The following SLIT3 variants were observed in gnomAD, a reference collection of about 807,000 sequenced individuals.
SLIT3 encodes the protein slit homolog 3 protein.
In SLIT3, 68 loss-of-function variants were observed where a neutral mutation model predicts 184.0. The observed-to-expected ratio is 0.37, with a 90% CI of 0.30 to 0.45. SLIT3 has a LOEUF of 0.45. Ranked by LOEUF, SLIT3 falls within the 20% of genes least tolerant of loss-of-function variation. The probability of loss-of-function intolerance (pLI) is 1.00; values close to 1 mark genes in which losing one functional copy is unlikely to be tolerated. For synonymous variants in SLIT3, 831 were observed against 828.6 expected (o/e 1.00, Z -0.05); for missense variants, 1,707 against 2,026.0 (o/e 0.84, Z 3.02).
intron 15 of SLIT3, 54 bp from the exon 16 acceptor site, chr5:168,760,990 C>T (rs1755127426): frequency 1.5e-6 from 2 of 1,330,288 alleles, no homozygotes; most frequent in Non-Finnish European, 2.2e-6. Context: ...GCCCCTCCTT[C>T]CACCCCCCAT....
At chr5:168,756,720 C>T (rs1437112970) in intron 16 of SLIT3, among the ~76,000 whole-genome samples, 2 of 152,146 alleles carry the variant, frequency 1.3e-5, no homozygotes, top group African/African-American at 2.4e-5. Context: ...GATAAAGGCT[C>T]TCCAGCAGCT....
chr5:169,077,871 TA>T (rs1489658360), intron 4 of SLIT3, among the ~76,000 whole-genome samples: 1 of 151,626 alleles, frequency 6.6e-6, no homozygotes, highest in Non-Finnish European at 1.5e-5. Context: ...AGTGTCATTG[TA>T]AAAAAATATT....
rs571221207 is a variant in SLIT3, at chr5:169,017,550, G to A, written c.414-134214C>T. 1.9e-3 allele frequency among the ~76,000 whole-genome samples: 287 copies of A among 152,298 alleles called. 2 individuals carry two copies. Among genetic ancestry groups the A allele is most frequent in the Non-Finnish European group, 2.8e-3 (192 of 68,026 alleles). ...ATTCATAACACTTAGGCAAGGCCTCGCTGGCAGCAGGGCTGAAAGGAGCAG... is the reference window on the plus strand; with the variant it reads ...ATTCATAACACTTAGGCAAGGCCTCACTGGCAGCAGGGCTGAAAGGAGCAG... On this transcript the variant is annotated intron_variant, in intron 4 of 35. Transcript: ENST00000519560.
At chr5:169,152,834 A>G (rs1762163782) in intron 4 of SLIT3, among the ~76,000 whole-genome samples, 3 of 152,024 alleles carry the variant, frequency 2.0e-5, no homozygotes, top group Admixed American at 2.0e-4. Flanking sequence ...AATGACACCT[A>G]CCCCGGTATG....
chr5:169,198,572 T>C (rs1213618835), intron 3 of SLIT3, among the ~76,000 whole-genome samples: 1 of 152,188 alleles, frequency 6.6e-6, no homozygotes, highest in Non-Finnish European at 1.5e-5. Context: ...GTTTGGCTTT[T>C]TACAGATAGT....
In SLIT3 at chr5:169,233,404, C is replaced by CTT. The variant is rs70979127; in HGVS notation, c.341+11299_341+11300dup. On this transcript the variant is annotated intron_variant, in intron 3 of 35. Transcript: ENST00000519560. Reference sequence around the variant, plus strand: ...TTTGTTGTTGGTATATAGAAATTGTCTTTTTTTTTTTTTTTGGTGTATTGA... The same window carrying CTT: ...TTTGTTGTTGGTATATAGAAATTGTCTTTTTTTTTTTTTTTTTGGTGTATTGA... Among the ~76,000 whole-genome samples, 616 of 145,416 alleles carry CTT rather than the reference C, an allele frequency of 4.2e-3. 9 individuals are homozygous for CTT. Among genetic ancestry groups the CTT allele is most frequent in the East Asian group, 0.035 (171 of 4,838 alleles).
In SLIT3 at chr5:168,666,304, G is replaced by T. The variant is rs1041126694; in HGVS notation, c.*150C>A. On this transcript the variant is annotated 3_prime_UTR_variant, in exon 36 of 36. Coordinates refer to ENST00000519560, the MANE Select transcript of SLIT3 (RefSeq NM_003062.4). Reference sequence around the variant, plus strand: ...ATAATAAAAATAAGTTCTATTTTTTGTTTATTTTACAATATACTTAATATT... The same window carrying T: ...ATAATAAAAATAAGTTCTATTTTTTTTTTATTTTACAATATACTTAATATT... The T allele has an allele frequency of 3.0e-6, 2 of 672,200 alleles. No homozygotes were observed. Among genetic ancestry groups the T allele is most frequent in the Non-Finnish European group, 4.4e-6 (2 of 450,522 alleles). The allele number at this position is 672,200 out of a possible 1,614,324, so 41.6% of individuals were successfully genotyped here.
chr5:169,249,953 G>A (rs1467337233), intron 2 of SLIT3, among the ~76,000 whole-genome samples: 1 of 152,224 alleles, frequency 6.6e-6, no homozygotes, highest in Non-Finnish European at 1.5e-5. Flanking sequence ...CCACACATGT[G>A]TACATAACAG....
At chr5:168,999,108 G>C (rs1345239554) in intron 4 of SLIT3, among the ~76,000 whole-genome samples, 2 of 152,072 alleles carry the variant, frequency 1.3e-5, no homozygotes, top group Admixed American at 1.3e-4. Context: ...TAGAGACAGA[G>C]TCTCACTACA....
intron 4 of SLIT3, among the ~76,000 whole-genome samples, chr5:168,933,331 CAGG>C (rs1352241959): frequency 6.6e-6 from 1 of 152,028 alleles, no homozygotes; most frequent in Non-Finnish European, 1.5e-5. Flanking sequence ...ATCATGAGCT[CAGG>C]AGATCGAGAC....
At chr5:168,945,949 G>A (rs956224194) in intron 4 of SLIT3, among the ~76,000 whole-genome samples, 1 of 152,228 alleles carries the variant, frequency 6.6e-6, no homozygotes, top group African/African-American at 2.4e-5. Flanking sequence ...CTATGAACTT[G>A]GAAAGTTTCT....
At chr5:168,814,180 G>C (rs1345165774) in intron 8 of SLIT3, among the ~76,000 whole-genome samples, 1 of 151,960 alleles carries the variant, frequency 6.6e-6, no homozygotes, top group Non-Finnish European at 1.5e-5. Context: ...TGGATCACCT[G>C]AGGTCAGGGG....
rs1760914060 is a variant in SLIT3, at chr5:168,662,811, A to G, written c.*3643T>C. The G allele has an allele frequency of 6.6e-6, 1 of 152,088 alleles. No individual in the cohort carries two copies. Among genetic ancestry groups the G allele is most frequent in the African/African-American group, 2.4e-5 (1 of 41,394 alleles). The allele number at this position is 152,088 out of a possible 1,614,324, so 9.4% of individuals were successfully genotyped here. A position where few individuals can be genotyped will look rare whatever the true frequency, so the allele number is the denominator to read the frequency against. ...TGCCCACGTACATTGCCACACAAAC[A>G]CTGAACCACACTTTTTCAGGAGCAA... On this transcript the variant is annotated 3_prime_UTR_variant, in exon 36 of 36. Coordinates refer to ENST00000519560, the MANE Select transcript of SLIT3 (RefSeq NM_003062.4).
chr5:169,186,690 G>C (rs1231612288), intron 4 of SLIT3, among the ~76,000 whole-genome samples: 2 of 152,140 alleles, frequency 1.3e-5, no homozygotes, highest in African/African-American at 4.8e-5. Context: ...CAATTTGTGT[G>C]GGCTTGGAGC....
At chr5:169,115,645 T>G (rs974994928) in intron 4 of SLIT3, among the ~76,000 whole-genome samples, 4 of 152,152 alleles carry the variant, frequency 2.6e-5, no homozygotes, top group Non-Finnish European at 4.4e-5. Flanking sequence ...CACATTGATT[T>G]AATGATGATG....
intron 4 of SLIT3, among the ~76,000 whole-genome samples, chr5:169,084,597 C>T (rs529049010): frequency 3.9e-5 from 6 of 152,176 alleles, no homozygotes; most frequent in African/African-American, 7.2e-5. Context: ...CGTGTGCCAC[C>T]GTGCCCAGCC....
intron 3 of SLIT3, among the ~76,000 whole-genome samples, chr5:169,241,026 T>C (rs1365536490): frequency 6.6e-6 from 1 of 152,140 alleles, no homozygotes; most frequent in Non-Finnish European, 1.5e-5. Flanking sequence ...TGGTACTGTT[T>C]CTATTCTATT....
chr5:169,148,696 A>C (rs530487132), intron 4 of SLIT3, among the ~76,000 whole-genome samples: 2 of 152,308 alleles, frequency 1.3e-5, no homozygotes, highest in African/African-American at 4.8e-5. Context: ...ATTGTTACTA[A>C]TTGTGATTTG....
chr5:169,281,161 T>TGTA (rs1766979160), intron 1 of SLIT3, among the ~76,000 whole-genome samples: 1 of 152,126 alleles, frequency 6.6e-6, no homozygotes, highest in Non-Finnish European at 1.5e-5. Context: ...TAGAAATAGA[T>TGTA]TTGTATATGT....
Sources: gnomAD v4.1 joint callset for allele counts (sites outside exome capture counted in the v4.1 genomes callset) on GRCh38, gnomAD v4.1.1 for gene constraint, MANE v1.5 for transcripts, NCBI Gene and HGNC (gene_info 2026-07-23, HGNC 2026-07-21) for gene names.